ABL2: variants seen among roughly 807,000 people sequenced by gnomAD.
ABL2 encodes the protein tyrosine-protein kinase ABL2.
ABL2 carries 49 observed loss-of-function variants against 107.7 expected under a neutral mutation model. The observed-to-expected ratio is 0.45, with a 90% CI of 0.36 to 0.58. ABL2 has a LOEUF of 0.58. ABL2 is among the 20% of genes least tolerant of loss of function. The pLI, the probability that ABL2 is intolerant of heterozygous loss-of-function variation, is 0.00. For synonymous variants in ABL2, 549 were observed against 548.6 expected (o/e 1.00, Z -0.01); for missense variants, 1,245 against 1,457.0 (o/e 0.85, Z 2.37).
At chr1:179,178,401 C>CAAAAAAAA (rs572438530) in intron 1 of ABL2, among the ~76,000 whole-genome samples, 12 of 68,634 alleles carry the variant, frequency 1.7e-4, no homozygotes, top group Non-Finnish European at 2.8e-4. Flanking sequence ...GACTCTGCCT[C>CAAAAAAAA]AAAAAAAAAA....
At chr1:179,128,262 T>C (rs1164054920) in intron 3 of ABL2, among the ~76,000 whole-genome samples, 1 of 151,742 alleles carries the variant, frequency 6.6e-6, no homozygotes, top group East Asian at 1.9e-4. Context: ...AAAATATACA[T>C]ATATACAGAT....
In ABL2 at chr1:179,229,622, CGCGCCCCCAACGCCGCCGCCGCCG is replaced by C. The variant is rs1199483177; in HGVS notation, c.-249_-226del. 7.7e-6 allele frequency: 4 copies of C among 521,228 alleles called. No homozygotes were observed. The highest frequency in any genetic ancestry group is 2.1e-5 in the African/African-American group (1 of 46,952). The allele number at this position is 521,228 out of a possible 1,614,324, so 32.3% of individuals were successfully genotyped here. A position where few individuals can be genotyped will look rare whatever the true frequency, so the allele number is the denominator to read the frequency against. On this transcript the variant is annotated 5_prime_UTR_variant, in exon 1 of 12. Transcript: ENST00000502732. Reference sequence around the variant, plus strand: ...CTTTTCCCTCCTCCTGTCGCGGCTCCGCGCCCCCAACGCCGCCGCCGCCGCCGCCGCCACCGCCGCCGCCATCTT... The same window carrying C: ...CTTTTCCCTCCTCCTGTCGCGGCTCCCCGCCGCCACCGCCGCCGCCATCTT...
chr1:179,202,672 A>C (rs1439946379), intron 1 of ABL2, among the ~76,000 whole-genome samples: 1 of 152,180 alleles, frequency 6.6e-6, no homozygotes. Flanking sequence ...TTTCCCCTAC[A>C]ATCACTTCTG....
intron 1 of ABL2, among the ~76,000 whole-genome samples, chr1:179,204,975 T>C (rs962765801): frequency 5.3e-5 from 8 of 151,760 alleles, no homozygotes; most frequent in Admixed American, 3.3e-4. Flanking sequence ...TGTAACATAA[T>C]GGGTGACCCA....
chr1:179,160,045 T>C (rs1449631959), intron 1 of ABL2, among the ~76,000 whole-genome samples: 1 of 152,006 alleles, frequency 6.6e-6, no homozygotes, highest in Non-Finnish European at 1.5e-5. Context: ...ACCCGGAAGG[T>C]GGAAGTTGCA....
chr1:179,110,015 G>A (rs181517967), intron 11 of ABL2, among the ~76,000 whole-genome samples: 102 of 152,224 alleles, frequency 6.7e-4, no homozygotes, highest in Admixed American at 6.5e-3. Context: ...AAACCACTGC[G>A]CAACCTCTTC....
At position 179,106,047 on chromosome 1, in the gene ABL2, A is replaced by G. The variant is rs1653451534; in HGVS notation, c.*1671T>C. The G allele has an allele frequency of 4.6e-6, 1 of 217,446 alleles. No individual in the cohort carries two copies. The highest frequency in any genetic ancestry group is 9.2e-6 in the Non-Finnish European group (1 of 108,188). The allele number at this position is 217,446 out of a possible 1,614,324, so 13.5% of individuals were successfully genotyped here. A position where few individuals can be genotyped will look rare whatever the true frequency, so the allele number is the denominator to read the frequency against. ...TTGACAGTGTATCAATGACAGAGCC[A>G]GAAGAAAACTCAGTGCTCAATGTTG... is the stretch of plus-strand genomic sequence containing the variant. On this transcript the variant is annotated 3_prime_UTR_variant, in exon 12 of 12. Coordinates refer to ENST00000502732, the MANE Select transcript of ABL2 (RefSeq NM_007314.4).
intron 9 of ABL2, among the ~76,000 whole-genome samples, chr1:179,113,243 G>C (rs1418371992): frequency 6.6e-6 from 1 of 152,086 alleles, no homozygotes; most frequent in African/African-American, 2.4e-5. Flanking sequence ...CTGGTGCTTC[G>C]ATTTAGCCTC....
Position 179,104,366 on chromosome 1 carries a change from A to C in ABL2, c.*3352T>G. The C allele has an allele frequency of 4.5e-6, 1 of 224,216 alleles. No individual in the cohort carries two copies. Among genetic ancestry groups the C allele is most frequent in the East Asian group, 6.5e-5 (1 of 15,352 alleles). The allele number at this position is 224,216 out of a possible 1,614,324, so 13.9% of individuals were successfully genotyped here. ...CTCAAAATCTCCATGACTTTAGTTA[A>C]ATAAAAATGGGCAGTGCCTTAGCAA... On this transcript the variant is annotated 3_prime_UTR_variant, in exon 12 of 12. Coordinates refer to ENST00000502732, the MANE Select transcript of ABL2 (RefSeq NM_007314.4).
At chr1:179,203,894 C>T (rs532737558) in intron 1 of ABL2, among the ~76,000 whole-genome samples, 38 of 152,206 alleles carry the variant, frequency 2.5e-4, no homozygotes, top group South Asian at 1.9e-3. Flanking sequence ...TGTGGCCTTG[C>T]GCACGTTATT....
chr1:179,109,009 G>A lies in ABL2; in HGVS notation c.2258C>T (p.Thr753Ile). 1.2e-6 allele frequency: 2 copies of A among 1,613,990 alleles called. No homozygotes were observed. The highest frequency in any genetic ancestry group is 1.1e-5 in the South Asian group (1 of 91,074). The stretch of plus-strand genomic sequence containing the variant: ...CAGTGTCTTTTTGATTAAGCGTGGT[G>A]TAAAGAAGCCTGTGATGCCAGACCA... ...GGWSGITGFFTPRLIKKTLGL... is the reference protein window; with the variant it reads ...GGWSGITGFFIPRLIKKTLGL... Residue 753 changes from threonine (T) to isoleucine (I), a missense_variant, in exon 12 of 12, where the codon ACA (threonine) becomes ATA (isoleucine). Coordinates refer to ENST00000502732, the MANE Select transcript of ABL2 (RefSeq NM_007314.4).
At chr1:179,118,933 T>C (rs1186093965) in intron 6 of ABL2, among the ~76,000 whole-genome samples, 169 bp from the exon 7 acceptor site, 1 of 152,174 alleles carries the variant, frequency 6.6e-6, no homozygotes, top group Non-Finnish European at 1.5e-5. Flanking sequence ...GAAGCTGGTT[T>C]ATAAGGGAGT....
At chr1:179,109,906 C>T (rs934134589) in intron 11 of ABL2, among the ~76,000 whole-genome samples, 3 of 142,388 alleles carry the variant, frequency 2.1e-5, no homozygotes, top group Non-Finnish European at 3.0e-5. Context: ...CCAGCCTGGG[C>T]GACACAGTGA....
At chr1:179,136,485 C>T (rs2102687620) in intron 1 of ABL2, among the ~76,000 whole-genome samples, 1 of 151,812 alleles carries the variant, frequency 6.6e-6, no homozygotes, top group Non-Finnish European at 1.5e-5. Flanking sequence ...GCAAGATGTG[C>T]TTTGTTAAAC....
intron 1 of ABL2, among the ~76,000 whole-genome samples, chr1:179,155,304 T>C (rs1305601766): frequency 6.6e-6 from 1 of 152,220 alleles, no homozygotes; most frequent in Non-Finnish European, 1.5e-5. Flanking sequence ...ATCGGAACGA[T>C]ATGCATGTGC....
chr1:179,144,467 A>G (rs1489828481), intron 1 of ABL2, among the ~76,000 whole-genome samples: 1 of 152,156 alleles, frequency 6.6e-6, no homozygotes, highest in Non-Finnish European at 1.5e-5. Context: ...CTCAAAAAAA[A>G]CAAAAAAAAG....
intron 1 of ABL2, among the ~76,000 whole-genome samples, chr1:179,146,711 G>A (rs1190219220): frequency 2.0e-5 from 3 of 152,116 alleles, no homozygotes; most frequent in South Asian, 2.1e-4. Flanking sequence ...TTTTATAAGC[G>A]TCTGGCATTT....
chr1:179,120,340 C>G (rs9726961), intron 5 of ABL2, 66 bp from the exon 6 acceptor site: 618,730 of 969,608 alleles, frequency 0.64, 198,560 homozygotes, highest in Middle Eastern at 0.76. Flanking sequence ...AAAATCATTT[C>G]ATTCATCTCA....
At chr1:179,148,677 AGATCACATGGTCAG>A (rs1280543520) in intron 1 of ABL2, among the ~76,000 whole-genome samples, 1 of 152,182 alleles carries the variant, frequency 6.6e-6, no homozygotes, top group Non-Finnish European at 1.5e-5. Flanking sequence ...CGAGGTGGAC[AGATCACATGGTCAG>A]GAGTTCGAGA....
Sources: gnomAD v4.1 joint callset for allele counts (sites outside exome capture counted in the v4.1 genomes callset) on GRCh38, gnomAD v4.1.1 for gene constraint, MANE v1.5 for transcripts, NCBI Gene and HGNC (gene_info 2026-07-23, HGNC 2026-07-21) for gene names.